The following CDK14 variants were observed in gnomAD, a reference collection of about 807,000 sequenced individuals.
The protein encoded by CDK14 is cyclin dependent kinase 14, also known as cyclin-dependent kinase 14.
In CDK14, 34 loss-of-function variants were observed where a neutral mutation model predicts 60.7. The ratio of observed to expected loss-of-function variants is 0.56; its 90% confidence interval spans 0.43 to 0.75. The LOEUF is 0.75. Ranked by LOEUF, CDK14 falls within the 30% of genes least tolerant of loss-of-function variation. The probability of loss-of-function intolerance (pLI) is 0.00; values close to 1 mark genes in which losing one functional copy is unlikely to be tolerated. For missense variants in CDK14, 482 were observed against 564.1 expected (o/e 0.85, Z 1.47); for synonymous variants, 197 against 203.7 (o/e 0.97, Z 0.28).
intron 14 of CDK14, among the ~76,000 whole-genome samples, chr7:91,191,323 T>C (rs1223236840): frequency 6.6e-6 from 1 of 152,098 alleles, no homozygotes; most frequent in South Asian, 2.1e-4. Context: ...AAGAGCACTC[T>C]ATTTTCTTGG....
At chr7:90,774,374 G>A (rs997493212) in intron 4 of CDK14, among the ~76,000 whole-genome samples, 3 of 152,042 alleles carry the variant, frequency 2.0e-5, no homozygotes, top group African/African-American at 7.3e-5. Flanking sequence ...ACTTGATAAT[G>A]GTCTTGCCTA....
intron 10 of CDK14, among the ~76,000 whole-genome samples, chr7:91,033,244 G>A (rs1268183974): frequency 6.6e-6 from 1 of 152,184 alleles, no homozygotes; most frequent in Non-Finnish European, 1.5e-5. Flanking sequence ...CTAGAGGTGA[G>A]CTGTGACTTG....
chr7:90,809,991 C>T (rs954501382), intron 5 of CDK14, among the ~76,000 whole-genome samples: 3 of 152,020 alleles, frequency 2.0e-5, no homozygotes, highest in African/African-American at 7.2e-5. Flanking sequence ...GCTTACCAAC[C>T]AAAAAAAGTC....
At chr7:90,954,251 A>G (rs1222064979) in intron 8 of CDK14, among the ~76,000 whole-genome samples, 1 of 152,176 alleles carries the variant, frequency 6.6e-6, no homozygotes, top group Non-Finnish European at 1.5e-5. Flanking sequence ...AATACTGAAA[A>G]TGGAATGCTA....
At chr7:91,013,371 C>G (rs2115828053) in intron 10 of CDK14, among the ~76,000 whole-genome samples, 1 of 152,324 alleles carries the variant, frequency 6.6e-6, no homozygotes, top group Middle Eastern at 3.4e-3. Flanking sequence ...TGTCCACTTG[C>G]TTCTACCAAT....
intron 9 of CDK14, among the ~76,000 whole-genome samples, chr7:90,971,426 A>G (rs1490890007): frequency 6.6e-6 from 1 of 152,158 alleles, no homozygotes; most frequent in Admixed American, 6.5e-5. Flanking sequence ...TCTCAAAGCC[A>G]TCTTTCCAAG....
At chr7:91,002,768 A>G (rs1795876903) in intron 10 of CDK14, among the ~76,000 whole-genome samples, 2 of 152,102 alleles carry the variant, frequency 1.3e-5, no homozygotes, top group African/African-American at 4.8e-5. Flanking sequence ...ATCTTCTTGG[A>G]TGTTTAATAA....
intron 2 of CDK14, among the ~76,000 whole-genome samples, chr7:90,678,324 G>A (rs547469223): frequency 2.6e-5 from 4 of 152,206 alleles, no homozygotes; most frequent in East Asian, 3.9e-4. Flanking sequence ...TGAAGGCAAA[G>A]TGTTTGGTCG....
intron 5 of CDK14, among the ~76,000 whole-genome samples, chr7:90,857,589 T>C (rs766694419): frequency 5.3e-5 from 8 of 152,242 alleles, no homozygotes; most frequent in Non-Finnish European, 1.2e-4. Flanking sequence ...CCAAGGATGC[T>C]TGAATTACTA....
intron 9 of CDK14, among the ~76,000 whole-genome samples, chr7:90,958,801 T>A (rs899700910): frequency 3.3e-5 from 5 of 152,156 alleles, no homozygotes; most frequent in Non-Finnish European, 5.9e-5. Context: ...AGTTAGGGAC[T>A]CTGCTAATAA....
chr7:91,047,928 A>G lies in CDK14; in HGVS notation c.1105+1968A>G, dbSNP rs746594664. 2.2e-4 allele frequency among the ~76,000 whole-genome samples: 34 copies of G among 152,222 alleles called. No individual in the cohort carries two copies. In the Middle Eastern group the frequency reaches 0.014, roughly 61 times the overall value. On this transcript the variant is annotated intron_variant, in intron 11 of 14. Transcript: ENST00000380050. ...TAGATCTCATAGTCCTGGGGAAGAA[A>G]ATATACAAGCCCAAAAAGGAAAATA...
rs543749394 is a variant in CDK14 at position 90,856,732 on chromosome 7, G to A, written c.545-6443G>A. On this transcript the variant is annotated intron_variant, in intron 5 of 14. Transcript: ENST00000380050. The stretch of plus-strand genomic sequence containing the variant: ...ACTCCACTGGCAAGTAAGGGAGATG[G>A]AACTTAGTAGTTAAAAGTAGTTTTA... 5.3e-5 allele frequency among the ~76,000 whole-genome samples: 8 copies of A among 152,266 alleles called. No homozygotes were observed. The South Asian group carries it at 1.7e-3, about 32-fold the overall frequency.
At chr7:91,153,623 T>TG (rs1160667689) in intron 14 of CDK14, among the ~76,000 whole-genome samples, 2 of 152,160 alleles carry the variant, frequency 1.3e-5, no homozygotes, top group African/African-American at 4.8e-5. Flanking sequence ...GGCAAACTAA[T>TG]GCAGGAACGG....
chr7:90,692,147 A>T (rs1357349475), intron 2 of CDK14, among the ~76,000 whole-genome samples: 3 of 152,230 alleles, frequency 2.0e-5, no homozygotes, highest in Non-Finnish European at 4.4e-5. Flanking sequence ...TTAAAGATAC[A>T]TTTGATTGCA....
chr7:90,915,379 C>T (rs1793048716), intron 7 of CDK14, among the ~76,000 whole-genome samples: 1 of 152,146 alleles, frequency 6.6e-6, no homozygotes, highest in African/African-American at 2.4e-5. Flanking sequence ...GCAGAGGTTG[C>T]AGTGAGCTGA....
intron 4 of CDK14, among the ~76,000 whole-genome samples, chr7:90,786,953 A>T (rs1049544341): frequency 6.6e-6 from 1 of 151,904 alleles, no homozygotes; most frequent in African/African-American, 2.4e-5. Context: ...AAAGGTTTAA[A>T]ATATACATGA....
chr7:91,154,136 C>G (rs1190564039), intron 14 of CDK14, among the ~76,000 whole-genome samples: 1 of 151,650 alleles, frequency 6.6e-6, no homozygotes, highest in Non-Finnish European at 1.5e-5. Context: ...TAATATATTT[C>G]CAGGTTTTAG....
At chr7:90,942,475 G>A (rs1484343061) in intron 8 of CDK14, among the ~76,000 whole-genome samples, 1 of 152,200 alleles carries the variant, frequency 6.6e-6, no homozygotes, top group African/African-American at 2.4e-5. Flanking sequence ...TTAAGGATCT[G>A]ATCACAACCA....
chr7:90,654,707 A>C (rs754868478), intron 2 of CDK14, among the ~76,000 whole-genome samples: 1 of 152,146 alleles, frequency 6.6e-6, no homozygotes, highest in Non-Finnish European at 1.5e-5. Flanking sequence ...TTACAGGAAA[A>C]TTGAACAGAA....
Sources: allele counts gnomAD v4.1 joint callset (sites outside exome capture counted in the v4.1 genomes callset), GRCh38; gene constraint gnomAD v4.1.1; transcripts MANE v1.5; gene names NCBI Gene and HGNC (gene_info 2026-07-23, HGNC 2026-07-21).